KCNQ3: variants seen among roughly 807,000 people sequenced by gnomAD.
KCNQ3 encodes the protein potassium voltage-gated channel subfamily Q member 3.
In KCNQ3, 30 loss-of-function variants were observed where a neutral mutation model predicts 92.5. That is an observed-to-expected ratio of 0.32 (90% CI 0.24 to 0.44). The LOEUF (loss-of-function observed/expected upper bound fraction) is 0.44, where lower values mean the gene tolerates loss of function less well. Ranked by LOEUF, KCNQ3 falls within the 20% of genes least tolerant of loss-of-function variation. KCNQ3 has a pLI of 1.00. For missense variants in KCNQ3, 913 were observed against 1,140.3 expected (o/e 0.80, Z 2.87); for synonymous variants, 450 against 468.8 (o/e 0.96, Z 0.52).
chr8:132,174,417 C>T (rs2130128948), intron 5 of KCNQ3, 68 bp from the exon 6 acceptor site: 1 of 1,207,316 alleles, frequency 8.3e-7, no homozygotes, highest in South Asian at 1.3e-5. Context: ...GTTAACTGAG[C>T]TCTACCTGTA....
At chr8:132,175,392 C>CA in intron 5 of KCNQ3, 61 bp downstream of exon 5, 1 of 1,576,590 alleles carries the variant, frequency 6.3e-7, no homozygotes, top group Non-Finnish European at 8.7e-7. Context: ...TGATGCCCTC[C>CA]ACCTCTCTCT....
At chr8:132,262,330 AT>A (rs1298756047) in intron 1 of KCNQ3, among the ~76,000 whole-genome samples, 3 of 152,240 alleles carry the variant, frequency 2.0e-5, no homozygotes, top group Non-Finnish European at 4.4e-5. Flanking sequence ...TGTGAAGATA[AT>A]TTTTAAAAAC....
At chr8:132,397,375 T>G (rs939190580) in intron 1 of KCNQ3, among the ~76,000 whole-genome samples, 6 of 152,132 alleles carry the variant, frequency 3.9e-5, no homozygotes, top group African/African-American at 1.4e-4. Context: ...AGTACTAGAT[T>G]CCATTAAGGC....
At chr8:132,226,210 G>T (rs915966721) in intron 1 of KCNQ3, among the ~76,000 whole-genome samples, 12 of 151,600 alleles carry the variant, frequency 7.9e-5, no homozygotes, top group African/African-American at 2.4e-4. Flanking sequence ...GGCAGAGCTT[G>T]CAGTGAGCTG....
chr8:132,349,649 C>G (rs1025277659), intron 1 of KCNQ3, among the ~76,000 whole-genome samples: 1 of 152,228 alleles, frequency 6.6e-6, no homozygotes. Flanking sequence ...CCTAATTACT[C>G]CACATATGGA....
intron 1 of KCNQ3, among the ~76,000 whole-genome samples, chr8:132,323,211 A>G (rs1366105482): frequency 2.6e-5 from 4 of 152,138 alleles, no homozygotes; most frequent in Admixed American, 2.0e-4. Flanking sequence ...CTTGATTATG[A>G]TCACTTAAAG....
At chr8:132,320,218 G>A (rs1817859910) in intron 1 of KCNQ3, among the ~76,000 whole-genome samples, 1 of 152,296 alleles carries the variant, frequency 6.6e-6, no homozygotes, top group African/African-American at 2.4e-5. Context: ...GAGGCCAAAT[G>A]TGAAGACTAG....
intron 1 of KCNQ3, among the ~76,000 whole-genome samples, chr8:132,265,070 T>C (rs1815937319): frequency 1.4e-5 from 2 of 142,250 alleles, no homozygotes; most frequent in South Asian, 5.1e-4. Context: ...AGCTAACATG[T>C]AGGGCTGCTA....
chr8:132,213,307 A>G (rs960040962), intron 1 of KCNQ3, among the ~76,000 whole-genome samples: 3 of 152,216 alleles, frequency 2.0e-5, no homozygotes, highest in Non-Finnish European at 4.4e-5. Context: ...CAGGGGCTCC[A>G]TTTCACTGAC....
chr8:132,451,749 A>G (rs1289244118), intron 1 of KCNQ3, among the ~76,000 whole-genome samples: 3 of 152,224 alleles, frequency 2.0e-5, no homozygotes, highest in Non-Finnish European at 4.4e-5. Context: ...ACTGTTGCAA[A>G]TATTCACCCA....
intron 1 of KCNQ3, among the ~76,000 whole-genome samples, chr8:132,267,913 T>C (rs919569967): frequency 6.6e-6 from 1 of 152,212 alleles, no homozygotes; most frequent in Non-Finnish European, 1.5e-5. Flanking sequence ...TTGTTACAAC[T>C]GATGAACCTA....
At chr8:132,186,988 G>GAGAGAGAT (rs1826990437) in intron 1 of KCNQ3, among the ~76,000 whole-genome samples, 2 of 150,372 alleles carry the variant, frequency 1.3e-5, no homozygotes, top group East Asian at 3.9e-4. Context: ...GAGAGAGAGA[G>GAGAGAGAT]AGTGAGAGAC....
At position 132,480,678 on chromosome 8, in the gene KCNQ3, C is replaced by CT. The variant is rs1023163995; in HGVS notation, c.-147_-146insA. ...TCCGCGCGCCCCTCCCCACCCCCCC[C>CT]CAAAAGCAGGCAAAGGCGGGCCCCC... On this transcript the variant is annotated 5_prime_UTR_variant, in exon 1 of 15. Coordinates refer to ENST00000388996, the MANE Select transcript of KCNQ3 (RefSeq NM_004519.4). 1.1e-6 allele frequency: 1 copy of CT among 900,122 alleles called. No individual in the cohort carries two copies. Among genetic ancestry groups the CT allele is most frequent in the Non-Finnish European group, 1.4e-6 (1 of 740,234 alleles). 55.8% of individuals were successfully genotyped at this position (900,122 alleles called of 1,614,324 possible).
chr8:132,145,854 G>A (rs1033999037), intron 9 of KCNQ3, among the ~76,000 whole-genome samples: 4 of 152,268 alleles, frequency 2.6e-5, no homozygotes, highest in East Asian at 3.9e-4. Context: ...ATGGTGGTCC[G>A]GAGACAGAAG....
At chr8:132,203,942 A>C (rs1324726211) in intron 1 of KCNQ3, among the ~76,000 whole-genome samples, 1 of 152,230 alleles carries the variant, frequency 6.6e-6, no homozygotes, top group African/African-American at 2.4e-5. Flanking sequence ...GATTTCGTCA[A>C]ACATATATCT....
chr8:132,449,668 G>A (rs563335409), intron 1 of KCNQ3, among the ~76,000 whole-genome samples: 2 of 152,288 alleles, frequency 1.3e-5, no homozygotes, highest in South Asian at 4.1e-4. Context: ...ATTGTCAGGT[G>A]AGGCCAGCTG....
chr8:132,188,381 T>C (rs1027142568), intron 1 of KCNQ3, among the ~76,000 whole-genome samples: 4 of 152,230 alleles, frequency 2.6e-5, no homozygotes, highest in Non-Finnish European at 4.4e-5. Flanking sequence ...CAAGTCCACA[T>C]TATGATTCTC....
At chr8:132,260,857 CCATCCATCTGTG>C (rs1276410642) in intron 1 of KCNQ3, among the ~76,000 whole-genome samples, 2 of 152,048 alleles carry the variant, frequency 1.3e-5, no homozygotes, top group African/African-American at 4.8e-5. Flanking sequence ...AAACATCCAT[CCATCCATCTGTG>C]CATCCAACCA....
intron 1 of KCNQ3, among the ~76,000 whole-genome samples, chr8:132,357,007 TAAC>T (rs111426424): frequency 4.7e-4 from 71 of 150,448 alleles, no homozygotes; most frequent in South Asian, 8.5e-4. Context: ...ACTATTTTAT[TAAC>T]AACAACAACA....
Sources: gnomAD v4.1 joint callset for allele counts (sites outside exome capture counted in the v4.1 genomes callset) on GRCh38, gnomAD v4.1.1 for gene constraint, MANE v1.5 for transcripts, NCBI Gene and HGNC (gene_info 2026-07-23, HGNC 2026-07-21) for gene names.